Variants in SLC35F2 observed in about 807,000 individuals in gnomAD.
The protein encoded by SLC35F2 is queuine/queuosine transporter SLC35F2.
A neutral mutation model predicts 38.1 loss-of-function variants in SLC35F2; 25 were observed. The observed-to-expected ratio is 0.66, with a 90% CI of 0.48 to 0.92. The LOEUF (loss-of-function observed/expected upper bound fraction) is 0.92. Ranked by LOEUF, SLC35F2 falls within the 40% of genes least tolerant of loss-of-function variation. The pLI is 0.00. For synonymous variants in SLC35F2, 173 were observed against 181.7 expected, an observed-to-expected ratio of 0.95 and a Z score of 0.38; for missense variants, 409 against 452.9, an observed-to-expected ratio of 0.90 and a Z score of 0.88.
intron 1 of SLC35F2, among the ~76,000 whole-genome samples, chr11:107,856,167 C>T (rs531242607): frequency 4.0e-4 from 61 of 151,304 alleles, no homozygotes; most frequent in African/African-American, 1.4e-3. Flanking sequence ...ATTCTTATCA[C>T]ATCTTGTTAA....
intron 7 of SLC35F2, among the ~76,000 whole-genome samples, chr11:107,801,022 G>A (rs11212382): frequency 0.16 from 23,218 of 146,518 alleles, 2,723 homozygotes; most frequent in East Asian, 0.43. Context: ...CTCCTGCCTC[G>A]GCTTCCCGAG....
rs200185982 is a variant in SLC35F2 at position 107,810,944 on chromosome 11, CTTTTT to C, written c.414+718_414+722del. 6.2e-6 allele frequency: 6 copies of C among 971,944 alleles called. No individual in the cohort carries two copies. The African/African-American group carries it at 8.8e-5, about 14-fold the overall frequency. The allele number at this position is 971,944 out of a possible 1,614,324, so 60.2% of individuals were successfully genotyped here. On this transcript the variant is annotated intron_variant, in intron 3 of 7. Coordinates refer to ENST00000525815, the MANE Select transcript of SLC35F2 (RefSeq NM_017515.5). ...CTTCAAATCCCACATCTGATACACA[CTTTTT>C]TTTATTATTTAAAAAAATGAAAAAA...
chr11:107,810,071 G>C (rs1859459470), intron 3 of SLC35F2: 1 of 985,328 alleles, frequency 1.0e-6, no homozygotes, highest in Non-Finnish European at 1.2e-6. Flanking sequence ...ACCTAATCCA[G>C]ATTTCCATCC....
chr11:107,808,239 G>A (rs1295106697), intron 3 of SLC35F2, among the ~76,000 whole-genome samples: 1 of 152,112 alleles, frequency 6.6e-6, no homozygotes, highest in East Asian at 1.9e-4. Flanking sequence ...CCCCTCACCT[G>A]TTGATACTGG....
At chr11:107,792,866 C>A in intron 7 of SLC35F2, 66 bp from the exon 8 acceptor site, 2 of 1,450,066 alleles carry the variant, frequency 1.4e-6, no homozygotes, top group South Asian at 1.6e-5. Flanking sequence ...TGGCTTTTGC[C>A]AACTGTGCTT....
At chr11:107,806,560 T>TATCA (rs1859393580) in intron 4 of SLC35F2, 157 bp downstream of exon 4, 2 of 673,880 alleles carry the variant, frequency 3.0e-6, no homozygotes, top group Non-Finnish European at 5.4e-6. Context: ...GATTTTATAC[T>TATCA]ATCAACTGAA....
At chr11:107,838,428 G>C (rs189088996) in intron 1 of SLC35F2, among the ~76,000 whole-genome samples, 1 of 152,026 alleles carries the variant, frequency 6.6e-6, no homozygotes, top group African/African-American at 2.4e-5. Context: ...GGGTTCAAGC[G>C]ATTCTCCTGA....
At chr11:107,799,750 T>C (rs1859275738) in intron 7 of SLC35F2, among the ~76,000 whole-genome samples, 1 of 151,978 alleles carries the variant, frequency 6.6e-6, no homozygotes, top group African/African-American at 2.4e-5. Flanking sequence ...TTTTTGTACT[T>C]GTAAAGACGG....
intron 5 of SLC35F2, 107 bp downstream of exon 5, chr11:107,805,252 A>T: frequency 7.1e-7 from 1 of 1,410,778 alleles, no homozygotes; most frequent in Non-Finnish European, 9.4e-7. Context: ...TCCACCTAAT[A>T]CTAATTCCAA....
chr11:107,844,441 A>G (rs2134850099), intron 1 of SLC35F2, among the ~76,000 whole-genome samples: 1 of 151,816 alleles, frequency 6.6e-6, no homozygotes, highest in East Asian at 1.9e-4. Flanking sequence ...CAGCCTGGCC[A>G]ACATGGTGAA....
At chr11:107,828,283 A>C (rs1219155273) in intron 1 of SLC35F2, among the ~76,000 whole-genome samples, 5 of 152,018 alleles carry the variant, frequency 3.3e-5, no homozygotes, top group African/African-American at 1.2e-4. Flanking sequence ...AAAAATACAA[A>C]AATTAGCTGT....
intron 1 of SLC35F2, among the ~76,000 whole-genome samples, chr11:107,850,430 C>T (rs1187170040): frequency 1.3e-5 from 2 of 152,092 alleles, no homozygotes; most frequent in Non-Finnish European, 2.9e-5. Context: ...TCTGGAGACA[C>T]TTTTGAATAT....
At position 107,803,208 on chromosome 11, in the gene SLC35F2, A is replaced by G. The variant is rs552428762; in HGVS notation, c.785-53T>C. 2.0e-4 allele frequency: 305 copies of G among 1,530,636 alleles called. 1 individual carries two copies. In the African/African-American group the frequency reaches 4.0e-3, roughly 20 times the overall value. 94.8% of individuals were successfully genotyped at this position (1,530,636 alleles called of 1,614,324 possible). ...TATTAGGGCAAGAAAACATAAGACA[A>G]AGGAGTTTGAGGCTTAGCTGTCATA... On this transcript the variant is annotated intron_variant, in intron 6 of 7. Coordinates refer to ENST00000525815, the MANE Select transcript of SLC35F2 (RefSeq NM_017515.5).
At chr11:107,816,015 TACACACAC>T (rs370565333) in intron 1 of SLC35F2, 50 bp from the exon 2 acceptor site, 1,486 of 1,228,440 alleles carry the variant, frequency 1.2e-3, no homozygotes, top group East Asian at 6.4e-3. Context: ...AGTTATACCT[TACACACAC>T]ACACACACAC....
In SLC35F2 at chr11:107,858,743, G is replaced by T; in HGVS notation, c.25C>A (p.Pro9Thr). 2 of 1,278,046 alleles carry T rather than the reference G, an allele frequency of 1.6e-6. No individual in the cohort carries two copies. The highest frequency in any genetic ancestry group is 2.0e-6 in the Non-Finnish European group (2 of 1,004,334). 79.2% of individuals were successfully genotyped at this position (1,278,046 alleles called of 1,614,324 possible). A position where few individuals can be genotyped will look rare whatever the true frequency, so the allele number is the denominator to read the frequency against. MEADSPAG[P>T]GAPEPLAEGA... ...TCCGCGAGGGGCTCTGGGGCGCCGG[G>T]GCCCGCTGGCGAGTCTGCCTCCATC... The change falls in exon 1 of 8, where the codon CCC becomes ACC. Residue 9 changes from proline to threonine, a missense_variant. Pro to Thr is a conservative substitution (Grantham distance 38). Coordinates refer to ENST00000525815, the MANE Select transcript of SLC35F2 (RefSeq NM_017515.5).
intron 1 of SLC35F2, among the ~76,000 whole-genome samples, chr11:107,842,779 C>T (rs1202901111): frequency 6.6e-6 from 1 of 152,188 alleles, no homozygotes; most frequent in Non-Finnish European, 1.5e-5. Flanking sequence ...ACCAGCAATT[C>T]TGCTTCTAGA....
chr11:107,855,343 C>T lies in SLC35F2; in HGVS notation c.110+3315G>A, dbSNP rs115148783. Among the ~76,000 whole-genome samples, 892 of 152,172 alleles carry T rather than the reference C, an allele frequency of 5.9e-3. 9 individuals are homozygous for T. Among genetic ancestry groups the T allele is most frequent in the African/African-American group, 0.021 (852 of 41,522 alleles). ...GTAGATATAAAAAAGAAAAAGACAC[C>T]ATTTTTGCTGTTAAAGAACTTCGTC... On this transcript the variant is annotated intron_variant, in intron 1 of 7. Coordinates refer to ENST00000525815, the MANE Select transcript of SLC35F2 (RefSeq NM_017515.5).
chr11:107,841,543 A>G (rs1860012092), intron 1 of SLC35F2, among the ~76,000 whole-genome samples: 1 of 132,488 alleles, frequency 7.5e-6, no homozygotes, highest in Admixed American at 8.3e-5. Flanking sequence ...AGCCTAGACG[A>G]AAGAGACTCC....
At chr11:107,827,786 C>A (rs1213373544) in intron 1 of SLC35F2, among the ~76,000 whole-genome samples, 5 of 150,882 alleles carry the variant, frequency 3.3e-5, no homozygotes, top group South Asian at 4.2e-4. Flanking sequence ...GGTGGAGCAC[C>A]CATAATCCCA....
Sources: gnomAD v4.1 joint callset for allele counts (sites outside exome capture counted in the v4.1 genomes callset) on GRCh38, gnomAD v4.1.1 for gene constraint, MANE v1.5 for transcripts, NCBI Gene and HGNC (gene_info 2026-07-23, HGNC 2026-07-21) for gene names.